ATAD3B: variants seen among roughly 807,000 people sequenced by gnomAD.
ATAD3B encodes the protein ATPase family AAA domain containing 3B, also known as ATPase family AAA domain-containing protein 3B.
Under a neutral mutation model 70.2 loss-of-function variants are expected in ATAD3B, and 59 were observed. That is an observed-to-expected ratio of 0.84 (90% CI 0.68 to 1.04). ATAD3B has a LOEUF of 1.04. Among genes scored for constraint, ATAD3B ranks in the 50% least tolerant of loss-of-function variants. The pLI is 0.00. For synonymous variants in ATAD3B, 423 were observed against 388.6 expected (o/e 1.09, Z -1.04); for missense variants, 961 against 913.4 (o/e 1.05, Z -0.67).
chr1:1,488,833 GC>G (rs1312249677), intron 12 of ATAD3B, among the ~76,000 whole-genome samples: 1 of 151,770 alleles, frequency 6.6e-6, no homozygotes, highest in East Asian at 1.9e-4. Context: ...CCTCAGTCAG[GC>G]TTTTTTTTTA....
chr1:1,479,351 A>G lies in ATAD3B; in HGVS notation c.444+243A>G, dbSNP rs560063029. Among the ~76,000 whole-genome samples, 7 of 146,978 alleles carry G rather than the reference A, an allele frequency of 4.8e-5. 2 individuals carry two copies. In the South Asian group the frequency reaches 6.6e-4, roughly 14 times the overall value. On this transcript the variant is annotated intron_variant, in intron 4 of 15. Transcript: ENST00000673477. ...GCCCACACAGACACACACTCCTCGCACACACACTCCCGGCAGACAGGCACA... is the reference window on the plus strand; with the variant it reads ...GCCCACACAGACACACACTCCTCGCGCACACACTCCCGGCAGACAGGCACA...
At chr1:1,498,332 G>A (rs949808129), downstream of ATAD3B, among the ~76,000 whole-genome samples, 2 of 151,736 alleles carry the variant, frequency 1.3e-5, no homozygotes, top group African/African-American at 2.4e-5. Flanking sequence ...AGCGGTGCCT[G>A]GTGGCATGTG....
the ATAD3B span, among the ~76,000 whole-genome samples, chr1:1,506,748 G>T: frequency 6.7e-6 from 1 of 148,298 alleles, no homozygotes; most frequent in Non-Finnish European, 1.5e-5. Context: ...ATGTCACGGG[G>T]TTGTTTTTTC....
the ATAD3B span, among the ~76,000 whole-genome samples, chr1:1,506,337 C>T: frequency 5.9e-5 from 9 of 151,558 alleles, no homozygotes; most frequent in African/African-American, 1.7e-4. Context: ...AAAAATAATT[C>T]GGGTTTTACA....
Position 1,482,311 on chromosome 1 carries a change from C to T in ATAD3B, c.680+8C>T, listed in dbSNP as rs756818386. 15 of 1,571,670 alleles carry T rather than the reference C, an allele frequency of 9.5e-6. No individual in the cohort carries two copies. The Middle Eastern group carries it at 1.2e-3, about 125-fold the overall frequency. On this transcript the variant is annotated splice_region_variant and intron_variant, in intron 6 of 15. Coordinates refer to ENST00000673477, the MANE Select transcript of ATAD3B (RefSeq NM_031921.6). ...CGTCTTGGAGTCCATCAGGTGAGCA[C>T]TGCCCAGGCCCGGGCCGGCCACAGA...
In ATAD3B at chr1:1,475,418, C is replaced by T. The variant is rs918687335; in HGVS notation, c.206-1856C>T. ...CCTCTGCAAGCCCGGCCCCTCCCGA[C>T]GCTCCTGGCTTCCTCCGTGCCCCTT... is the stretch of plus-strand genomic sequence containing the variant. On this transcript the variant is annotated intron_variant, in intron 1 of 15. Coordinates refer to ENST00000673477, the MANE Select transcript of ATAD3B (RefSeq NM_031921.6). Among the ~76,000 whole-genome samples, 3 of 151,746 alleles carry T rather than the reference C, an allele frequency of 2.0e-5. 1 individual carries two copies. Among genetic ancestry groups the T allele is most frequent in the Non-Finnish European group, 4.4e-5 (3 of 67,852 alleles).
At chr1:1,488,773 G>C (rs1283231226) in intron 12 of ATAD3B, among the ~76,000 whole-genome samples, 2 of 151,854 alleles carry the variant, frequency 1.3e-5, no homozygotes, top group Non-Finnish European at 2.9e-5. Flanking sequence ...AAAAAAGCGA[G>C]AGATTTGATC....
At chr1:1,479,583 C>A (rs1195242842) in intron 4 of ATAD3B, among the ~76,000 whole-genome samples, 2 of 145,192 alleles carry the variant, frequency 1.4e-5, no homozygotes, top group African/African-American at 2.6e-5. Flanking sequence ...GGCACACATA[C>A]CCCTGCACAC....
rs142840431 is a variant in ATAD3B, at chr1:1,486,199, T to C, written c.1053T>C (p.Tyr351=). 21,984 of 1,612,936 alleles carry C rather than the reference T, an allele frequency of 0.014. 552 individuals carry two copies. The highest frequency in any genetic ancestry group is 0.038 in the South Asian group (3,423 of 90,974). The part of the protein sequence containing the change: ...NRGLYRHILL[Y]GPPGTGKTLF... ...GCCTGTACAGGCACATCCTGCTGTA[T>C]GGGCCACCAGGCACCGGGAAGACGC... The change falls in exon 10 of 16, where the codon TAT becomes TAC. Residue 351 remains tyrosine (Y), a synonymous_variant. Coordinates refer to ENST00000673477, the MANE Select transcript of ATAD3B (RefSeq NM_031921.6).
chr1:1,503,653 A>G, the ATAD3B span: 6 of 1,611,794 alleles, frequency 3.7e-6, no homozygotes, highest in Middle Eastern at 2.0e-4. Context: ...GCAACAGTCC[A>G]AGCTCAAAGT....
intron 1 of ATAD3B, among the ~76,000 whole-genome samples, chr1:1,472,674 C>T (rs1639391334): frequency 6.6e-6 from 1 of 152,080 alleles, no homozygotes; most frequent in Non-Finnish European, 1.5e-5. Flanking sequence ...ACTGCACCTT[C>T]CCTAAGCTCG....
intron 15 of ATAD3B, 76 bp from the exon 16 acceptor site, chr1:1,495,409 A>G: frequency 1.3e-6 from 2 of 1,518,840 alleles, no homozygotes. Context: ...GCCCCTCCCC[A>G]CCTCGGGGCC....
rs542632629 is a variant in ATAD3B at position 1,497,138 on chromosome 1, T to G, written c.*1321T>G. 1 of 152,326 alleles carries G rather than the reference T, an allele frequency of 6.6e-6. No homozygotes were observed. The highest frequency in any genetic ancestry group is 2.1e-4 in the South Asian group (1 of 4,816). The allele number at this position is 152,326 out of a possible 1,614,324, so 9.4% of individuals were successfully genotyped here. A position where few individuals can be genotyped will look rare whatever the true frequency, so the allele number is the denominator to read the frequency against. On this transcript the variant is annotated 3_prime_UTR_variant, in exon 16 of 16. Transcript: ENST00000673477. ...GAGAGCAGACCCCTCGGAGCTGCAG[T>G]GCTTGGAGGGGGGCGGTCTACCTCT...
At chr1:1,484,806 T>C (rs1305900158) in intron 7 of ATAD3B, 9 of 1,338,402 alleles carry the variant, frequency 6.7e-6, no homozygotes, top group Non-Finnish European at 6.9e-6. Context: ...AAAATGGCCC[T>C]GAGTGAGGGC....
Position 1,485,661 on chromosome 1 carries a change from G to A in ATAD3B, c.907-121G>A, listed in dbSNP as rs572533332. 1.7e-4 allele frequency: 249 copies of A among 1,477,558 alleles called. No homozygotes were observed. The African/African-American group carries it at 2.9e-3, about 17-fold the overall frequency. 91.5% of individuals were successfully genotyped at this position (1,477,558 alleles called of 1,614,324 possible). A position where few individuals can be genotyped will look rare whatever the true frequency, so the allele number is the denominator to read the frequency against. On this transcript the variant is annotated intron_variant, in intron 8 of 15. Transcript: ENST00000673477. ...CGGGGCAGGGTTCCAGCTCCGGGCC[G>A]GTCCTGGCTGTGCTTTGGGGCAGCT...
rs1009590813 is a variant in ATAD3B at position 1,478,292 on chromosome 1, C to G, written c.283-352C>G. Reference sequence around the variant, plus strand: ...GATTATAGGCAAGAGCGATGGCGCCCGGCCCACTCAGCAGGATTCCTAGAA... The same window carrying G: ...GATTATAGGCAAGAGCGATGGCGCCGGGCCCACTCAGCAGGATTCCTAGAA... On this transcript the variant is annotated intron_variant, in intron 2 of 15. Coordinates refer to ENST00000673477, the MANE Select transcript of ATAD3B (RefSeq NM_031921.6). The G allele has an allele frequency of 3.3e-6, 3 of 905,496 alleles. No individual in the cohort carries two copies. The Admixed American group carries it at 8.9e-5, about 27-fold the overall frequency. 56.1% of individuals were successfully genotyped at this position (905,496 alleles called of 1,614,324 possible).
At chr1:1,489,932 T>C in intron 13 of ATAD3B, 1 of 1,239,906 alleles carries the variant, frequency 8.1e-7, no homozygotes, top group Non-Finnish European at 1.0e-6. Context: ...CCCGCATCCC[T>C]GCTCCCAGCA....
chr1:1,479,917 C>A (rs1442123611), intron 4 of ATAD3B, among the ~76,000 whole-genome samples: 1 of 143,788 alleles, frequency 7.0e-6, no homozygotes, highest in African/African-American at 2.6e-5. Context: ...CGGGCGCGCA[C>A]ACACCCGGAC....
the ATAD3B span, among the ~76,000 whole-genome samples, chr1:1,507,321 C>T: frequency 6.6e-6 from 1 of 152,098 alleles, no homozygotes; most frequent in Non-Finnish European, 1.5e-5. Flanking sequence ...GATATATGGC[C>T]TTCATTATGT....
Sources: allele counts gnomAD v4.1 joint callset (sites outside exome capture counted in the v4.1 genomes callset), GRCh38; gene constraint gnomAD v4.1.1; transcripts MANE v1.5; gene names NCBI Gene and HGNC (gene_info 2026-07-23, HGNC 2026-07-21).